Variants in SEC23A observed in about 807,000 individuals in gnomAD.
The protein encoded by SEC23A is SEC23 homolog A, COPII component, also known as protein transport protein Sec23A.
Under a neutral mutation model 103.7 loss-of-function variants are expected in SEC23A, and 56 were observed. The ratio of observed to expected loss-of-function variants is 0.54; its 90% CI spans 0.44 to 0.67. The LOEUF (loss-of-function observed/expected upper bound fraction) is 0.67. SEC23A is among the 30% of genes least tolerant of loss of function. SEC23A has a pLI of 0.00. For synonymous variants in SEC23A, 281 were observed against 293.0 expected (o/e 0.96, Z 0.42); for missense variants, 784 against 936.4 (o/e 0.84, Z 2.12).
chr14:39,038,160 C>T (rs941644518), intron 19 of SEC23A, among the ~76,000 whole-genome samples: 1 of 152,200 alleles, frequency 6.6e-6, no homozygotes, highest in Non-Finnish European at 1.5e-5. Flanking sequence ...TTAGCCCATA[C>T]TATTCTCTAC....
In SEC23A at chr14:39,075,935, C is replaced by T. The variant is rs1886998918; in HGVS notation, c.987G>A (p.Lys329=). 1 of 1,613,594 alleles carries T rather than the reference C, an allele frequency of 6.2e-7. No individual in the cohort carries two copies. The highest frequency in any genetic ancestry group is 1.1e-5 in the South Asian group (1 of 91,054). ...DNAKYVKKGT[K]HFEALANRAA... The stretch of plus-strand genomic sequence containing the variant: ...AAAAATATTTAACAGTCAAAATTAC[C>T]TTAGTTCCCTTTTTAACATATTTGG... The change falls in exon 8 of 20, where the codon AAG becomes AAA. Residue 329 remains lysine, a splice_region_variant and synonymous_variant. Transcript: ENST00000307712.
intron 7 of SEC23A, among the ~76,000 whole-genome samples, chr14:39,084,179 G>A (rs911810300): frequency 2.2e-4 from 33 of 150,688 alleles, no homozygotes; most frequent in African/African-American, 8.0e-4. Flanking sequence ...GCGCCACCAC[G>A]CCCGGCTAGT....
chr14:39,088,771 A>AGCCTTTGGGAGTGTAATCC (rs1377687329), intron 5 of SEC23A: 7 of 151,552 alleles, frequency 4.6e-5, no homozygotes, highest in African/African-American at 1.7e-4. Flanking sequence ...TCAGTGGCTC[A>AGCCTTTGGGAGTGTAATCC]CACCTGTAAT....
chr14:39,038,740 G>A (rs1885538844), intron 19 of SEC23A, among the ~76,000 whole-genome samples: 1 of 152,116 alleles, frequency 6.6e-6, no homozygotes, highest in African/African-American at 2.4e-5. Context: ...GCTTATCGTG[G>A]CCTTTTGTGG....
At chr14:39,085,685 TATATACACACACACACACACACAC>T (rs1887411984) in intron 7 of SEC23A, 53 bp downstream of exon 7, 8 of 957,392 alleles carry the variant, frequency 8.4e-6, no homozygotes, top group Non-Finnish European at 1.1e-5. Context: ...CTTATAATTA[TATATACACACACACACACACACAC>T]ACACACACAC....
chr14:39,040,287 C>T (rs1885595657), intron 18 of SEC23A: 1 of 176,632 alleles, frequency 5.7e-6, no homozygotes, highest in Non-Finnish European at 1.2e-5. Flanking sequence ...ACAGTGTTTT[C>T]CTATTACATA....
chr14:39,064,476 T>G (rs57095311), intron 11 of SEC23A: 10,166 of 152,494 alleles, frequency 0.067, 1,129 homozygotes, highest in African/African-American at 0.23. Context: ...AAATCATGAG[T>G]TTTTTTTGTT....
chr14:39,056,251 AC>A (rs1402292959), intron 13 of SEC23A, among the ~76,000 whole-genome samples: 2 of 152,128 alleles, frequency 1.3e-5, no homozygotes, highest in Non-Finnish European at 2.9e-5. Context: ...TTCTGAGTGC[AC>A]TCAATAAAAT....
intron 14 of SEC23A, among the ~76,000 whole-genome samples, chr14:39,050,808 GAAGAAAGA>G (rs3064945): frequency 1.6e-3 from 244 of 150,722 alleles, no homozygotes; most frequent in African/African-American, 5.6e-3. Flanking sequence ...GGAAAGAAAG[GAAGAAAGA>G]AAGAAAGAAA....
At chr14:39,094,791 T>C in intron 2 of SEC23A, 1 of 503,788 alleles carries the variant, frequency 2.0e-6, no homozygotes, top group Middle Eastern at 5.2e-4. Context: ...TGTTCAAGAA[T>C]CAGAAAGAGG....
At chr14:39,065,662 A>C (rs919952163) in intron 10 of SEC23A, among the ~76,000 whole-genome samples, 3 of 152,058 alleles carry the variant, frequency 2.0e-5, no homozygotes, top group Non-Finnish European at 4.4e-5. Flanking sequence ...CTCTCCTCAC[A>C]CTGGGTTCCT....
chr14:39,040,923 T>G lies in SEC23A; in HGVS notation c.1987-36A>C, dbSNP rs375910875. On this transcript the variant is annotated intron_variant, in intron 17 of 19. Coordinates refer to ENST00000307712, the MANE Select transcript of SEC23A (RefSeq NM_006364.4). ...AACAATTAAAGAAATTACTTTAAAT[T>G]TCTTGCCCATCCAAAAATCTTGAGA... 11 of 1,563,096 alleles carry G rather than the reference T, an allele frequency of 7.0e-6. No homozygotes were observed. The African/African-American group carries it at 1.4e-4, about 20-fold the overall frequency.
chr14:39,090,183 C>A lies in SEC23A; in HGVS notation c.603+1294G>T, dbSNP rs149742249. Among the ~76,000 whole-genome samples, 688 of 152,228 alleles carry A rather than the reference C, an allele frequency of 4.5e-3. 7 individuals are homozygous for A. Among genetic ancestry groups the A allele is most frequent in the African/African-American group, 0.016 (663 of 41,540 alleles). On this transcript the variant is annotated intron_variant, in intron 5 of 19. Coordinates refer to ENST00000307712, the MANE Select transcript of SEC23A (RefSeq NM_006364.4). ...TCTTCATTTTGGTCTACCTGGAAGCCTCTAAAGTCTGATTTTACATCTGTC... is the reference window on the plus strand; with the variant it reads ...TCTTCATTTTGGTCTACCTGGAAGCATCTAAAGTCTGATTTTACATCTGTC...
intron 14 of SEC23A, among the ~76,000 whole-genome samples, chr14:39,052,787 G>A (rs1223883853): frequency 6.6e-6 from 1 of 152,190 alleles, no homozygotes; most frequent in Non-Finnish European, 1.5e-5. Context: ...CACAGTTGTT[G>A]AGAAAAGAAT....
chr14:39,055,029 C>G (rs1200760903), intron 14 of SEC23A, 114 bp downstream of exon 14: 1 of 1,219,756 alleles, frequency 8.2e-7, no homozygotes, highest in Non-Finnish European at 1.2e-6. Context: ...ATAGGAGTTT[C>G]TCATACAGTA....
At chr14:39,100,594 G>C (rs1175988661) in intron 1 of SEC23A, among the ~76,000 whole-genome samples, 1 of 151,776 alleles carries the variant, frequency 6.6e-6, no homozygotes, top group African/African-American at 2.4e-5. Flanking sequence ...TGTATTTTTA[G>C]TAGAGATGGG....
rs769666652 is a variant in SEC23A, at chr14:39,086,967, TGTTGCTTGA to T, written c.636_644del (p.Gln213_Thr215del). ...GTGGCTGCTGTACCTGAGGACCACG[TGTTGCTTGA>T]GTAAGTGGTACTTTAGAGAGCCCCA... On this transcript the variant is annotated inframe_deletion, in exon 6 of 20. Transcript: ENST00000307712. 6.3e-7 allele frequency: 1 copy of T among 1,598,188 alleles called. No individual in the cohort carries two copies. The highest frequency in any genetic ancestry group is 8.6e-7 in the Non-Finnish European group (1 of 1,165,418).
chr14:39,089,031 G>A (rs112248408), intron 5 of SEC23A, among the ~76,000 whole-genome samples: 6,235 of 151,072 alleles, frequency 0.041, 193 homozygotes, highest in Middle Eastern at 0.06. Context: ...AAAATTAGCC[G>A]GGTGTGGTGG....
intron 1 of SEC23A, among the ~76,000 whole-genome samples, chr14:39,098,330 T>G (rs1324453816): frequency 6.6e-6 from 1 of 152,098 alleles, no homozygotes; most frequent in Non-Finnish European, 1.5e-5. Context: ...TCCATGTTAC[T>G]GATGTGAATA....
Sources: allele counts gnomAD v4.1 joint callset (sites outside exome capture counted in the v4.1 genomes callset), GRCh38; gene constraint gnomAD v4.1.1; transcripts MANE v1.5; gene names NCBI Gene and HGNC (gene_info 2026-07-23, HGNC 2026-07-21).